The following ANTXR1 variants were observed in gnomAD, a reference collection of about 807,000 sequenced individuals.
ANTXR1 encodes ANTXR cell adhesion molecule 1.
ANTXR1 carries 19 observed loss-of-function variants against 78.1 expected under a neutral mutation model. That is an observed-to-expected ratio of 0.24 (90% confidence interval 0.17 to 0.36). The LOEUF (loss-of-function observed/expected upper bound fraction) is 0.36, where lower values mean the gene tolerates loss of function less well. Ranked by LOEUF, ANTXR1 falls within the 10% of genes least tolerant of loss-of-function variation. The pLI, the probability that ANTXR1 is intolerant of heterozygous loss-of-function variation, is 1.00. For missense variants in ANTXR1, 518 were observed against 718.6 expected (o/e 0.72, Z 3.19); for synonymous variants, 273 against 260.5 (o/e 1.05, Z -0.46).
chr2:69,210,604 C>A (rs1007820430), intron 17 of ANTXR1, among the ~76,000 whole-genome samples: 1 of 152,194 alleles, frequency 6.6e-6, no homozygotes, highest in African/African-American at 2.4e-5. Context: ...TAGTTACACA[C>A]TCCTTAGTAG....
intron 14 of ANTXR1, chr2:69,172,349 C>A (rs1421220528): frequency 6.2e-7 from 1 of 1,607,482 alleles, no homozygotes; most frequent in South Asian, 1.1e-5. Context: ...TAATCTCCTT[C>A]CTAATGTATT....
At chr2:69,112,585 G>A (rs895551007) in intron 10 of ANTXR1, among the ~76,000 whole-genome samples, 3 of 152,188 alleles carry the variant, frequency 2.0e-5, no homozygotes, top group South Asian at 4.1e-4. Flanking sequence ...GAGAAGTCAA[G>A]ACTTGAACCT....
intron 1 of ANTXR1, among the ~76,000 whole-genome samples, chr2:69,033,505 C>G (rs951777366): frequency 5.3e-5 from 8 of 152,194 alleles, no homozygotes; most frequent in African/African-American, 1.9e-4. Context: ...CTAAAGGGCA[C>G]TCTTTTCTTT....
intron 3 of ANTXR1, 52 bp from the exon 4 acceptor site, chr2:69,070,595 A>C (rs926651577): frequency 1.3e-5 from 21 of 1,559,712 alleles, no homozygotes; most frequent in Non-Finnish European, 1.5e-5. Context: ...TGACTACAAC[A>C]GCAAAGTAAA....
chr2:69,176,375 ATCTT>A (rs1674119118), intron 14 of ANTXR1, among the ~76,000 whole-genome samples: 1 of 152,150 alleles, frequency 6.6e-6, no homozygotes, highest in African/African-American at 2.4e-5. Context: ...GTATTGCTGG[ATCTT>A]TCTGACTTGC....
chr2:69,113,533 G>A (rs886664514), intron 10 of ANTXR1, among the ~76,000 whole-genome samples: 2 of 152,226 alleles, frequency 1.3e-5, no homozygotes, highest in South Asian at 2.1e-4. Context: ...CAGCCAGCAA[G>A]CATCCCACAG....
intron 17 of ANTXR1, among the ~76,000 whole-genome samples, chr2:69,220,908 G>T (rs2104510236): frequency 6.6e-6 from 1 of 152,296 alleles, no homozygotes; most frequent in Middle Eastern, 3.4e-3. Flanking sequence ...CAAATAGAAA[G>T]GGTGATTGTA....
intron 10 of ANTXR1, chr2:69,103,222 C>G: frequency 2.2e-6 from 1 of 459,656 alleles, no homozygotes; most frequent in Non-Finnish European, 4.0e-6. Context: ...AAGCCCCAGC[C>G]CTGCAGCAGC....
chr2:69,084,557 C>T (rs371632586), intron 8 of ANTXR1, among the ~76,000 whole-genome samples: 3 of 149,388 alleles, frequency 2.0e-5, no homozygotes, highest in East Asian at 2.0e-4. Flanking sequence ...CCCAGAAATA[C>T]GTGTGTATAA....
At chr2:69,234,755 C>A (rs1675711010) in intron 17 of ANTXR1, among the ~76,000 whole-genome samples, 3 of 152,026 alleles carry the variant, frequency 2.0e-5, no homozygotes, top group African/African-American at 7.2e-5. Context: ...AAGAGCAAAA[C>A]TCCGTCTCAA....
chr2:69,178,586 G>T (rs1011227541), intron 14 of ANTXR1, among the ~76,000 whole-genome samples: 5 of 151,936 alleles, frequency 3.3e-5, no homozygotes, highest in African/African-American at 1.2e-4. Flanking sequence ...AAGAGGGAGG[G>T]GCCAGGGACT....
At chr2:69,122,983 C>A (rs779635092) in intron 10 of ANTXR1, 34 bp from the exon 11 acceptor site, 1 of 1,602,766 alleles carries the variant, frequency 6.2e-7, no homozygotes. Context: ...AAACTCACCT[C>A]CCTCTTCTTA....
Position 69,162,566 on chromosome 2 carries a change from AC to A in ANTXR1, c.1048-7681del, listed in dbSNP as rs1673709881. Among the ~76,000 whole-genome samples the A allele has an allele frequency of 2.6e-5, 4 of 152,314 alleles. No individual in the cohort carries two copies. In the South Asian group the frequency reaches 8.3e-4, roughly 32 times the overall value. The stretch of plus-strand genomic sequence containing the variant: ...ATAGAATTTCCATAGGTAAATGCCT[AC>A]TACACATGAGCTCACAATCCCAAAT... On this transcript the variant is annotated intron_variant, in intron 13 of 17. Transcript: ENST00000303714.
intron 8 of ANTXR1, among the ~76,000 whole-genome samples, chr2:69,080,645 G>A (rs989153716): frequency 1.6e-4 from 25 of 152,140 alleles, no homozygotes; most frequent in African/African-American, 4.8e-4. Flanking sequence ...CAGTGGGAGA[G>A]ACACATTAAA....
intron 10 of ANTXR1, among the ~76,000 whole-genome samples, chr2:69,104,935 A>G (rs536058513): frequency 2.6e-5 from 4 of 152,200 alleles, no homozygotes; most frequent in African/African-American, 9.6e-5. Context: ...AATACAAAAA[A>G]TTAACTGGGC....
intron 1 of ANTXR1, among the ~76,000 whole-genome samples, chr2:69,034,994 T>G (rs1671638371): frequency 6.6e-6 from 1 of 152,110 alleles, no homozygotes; most frequent in African/African-American, 2.4e-5. Flanking sequence ...AAGCCCAGGG[T>G]CTGAACTACC....
At chr2:69,128,083 G>T (rs776438580) in intron 12 of ANTXR1, among the ~76,000 whole-genome samples, 4 of 152,046 alleles carry the variant, frequency 2.6e-5, no homozygotes, top group African/African-American at 9.7e-5. Flanking sequence ...AATTAGCCTG[G>T]CATGGTGGCA....
chr2:69,111,929 C>A (rs1260155986), intron 10 of ANTXR1, among the ~76,000 whole-genome samples: 1 of 152,118 alleles, frequency 6.6e-6, no homozygotes, highest in Non-Finnish European at 1.5e-5. Flanking sequence ...GGCAGGAGAA[C>A]ATAAACTTCC....
chr2:69,085,179 A>G (rs1671013182), intron 8 of ANTXR1, among the ~76,000 whole-genome samples: 1 of 152,112 alleles, frequency 6.6e-6, no homozygotes, highest in Non-Finnish European at 1.5e-5. Context: ...GGCTTATCCA[A>G]TGTGCTTTCT....
Sources: gnomAD v4.1 joint callset for allele counts (sites outside exome capture counted in the v4.1 genomes callset) on GRCh38, gnomAD v4.1.1 for gene constraint, MANE v1.5 for transcripts, NCBI Gene and HGNC (gene_info 2026-07-23, HGNC 2026-07-21) for gene names.